NKAIN3: variants seen among roughly 807,000 people sequenced by gnomAD.
The protein encoded by NKAIN3 is sodium/potassium-transporting ATPase subunit beta-1-interacting protein 3.
A neutral mutation model predicts 30.2 loss-of-function variants in NKAIN3; 25 were observed. The ratio of observed to expected loss-of-function variants is 0.83; its 90% CI spans 0.60 to 1.16. The LOEUF is 1.16. Among genes scored for constraint, NKAIN3 ranks in the 50% most tolerant of loss-of-function variants. The pLI is 0.00. For missense variants in NKAIN3, 225 were observed against 254.1 expected (o/e 0.89, Z 0.78); for synonymous variants, 91 against 89.6 (o/e 1.02, Z -0.09).
At chr8:62,404,759 G>A (rs147965874) in intron 1 of NKAIN3, among the ~76,000 whole-genome samples, 172 of 152,220 alleles carry the variant, frequency 1.1e-3, no homozygotes, top group African/African-American at 4.0e-3. Flanking sequence ...TACTGTGCCT[G>A]AGCTCTTACC....
At chr8:62,399,282 G>A (rs777780632) in intron 1 of NKAIN3, among the ~76,000 whole-genome samples, 2 of 152,160 alleles carry the variant, frequency 1.3e-5, no homozygotes, top group Admixed American at 6.5e-5. Flanking sequence ...GAGGCGGGTA[G>A]ATCGCTTGAG....
At chr8:62,369,925 A>C (rs1053615866) in intron 1 of NKAIN3, among the ~76,000 whole-genome samples, 2 of 152,036 alleles carry the variant, frequency 1.3e-5, no homozygotes, top group East Asian at 1.9e-4. Flanking sequence ...GATAGAAAAA[A>C]AAAGTCTTAA....
chr8:62,867,054 T>TA (rs11444625), intron 4 of NKAIN3, among the ~76,000 whole-genome samples: 20,009 of 119,426 alleles, frequency 0.17, 1,981 homozygotes, highest in African/African-American at 0.29. Flanking sequence ...GACTCCGTCT[T>TA]AAAAAAAAAA....
At chr8:62,253,529 C>T (rs553429398) in intron 1 of NKAIN3, among the ~76,000 whole-genome samples, 1 of 152,278 alleles carries the variant, frequency 6.6e-6, no homozygotes, top group South Asian at 2.1e-4. Flanking sequence ...ATGATGCCAC[C>T]ACTCACTCCA....
chr8:62,489,996 G>A (rs1035985269), intron 1 of NKAIN3, among the ~76,000 whole-genome samples: 3 of 152,118 alleles, frequency 2.0e-5, no homozygotes, highest in Non-Finnish European at 2.9e-5. Flanking sequence ...TTTTCTTAGG[G>A]TTTTAACTAT....
At chr8:62,589,350 T>G (rs1242227358) in intron 2 of NKAIN3, among the ~76,000 whole-genome samples, 3 of 151,760 alleles carry the variant, frequency 2.0e-5, no homozygotes, top group African/African-American at 7.2e-5. Flanking sequence ...GACAGTTTTA[T>G]ACTGTAACTT....
chr8:62,769,141 G>A (rs1392301458), intron 4 of NKAIN3, among the ~76,000 whole-genome samples: 1 of 152,058 alleles, frequency 6.6e-6, no homozygotes, highest in Non-Finnish European at 1.5e-5. Context: ...CCACATTCTA[G>A]TCTAGTGATC....
chr8:62,332,554 G>C (rs1174951927), intron 1 of NKAIN3, among the ~76,000 whole-genome samples: 1 of 152,054 alleles, frequency 6.6e-6, no homozygotes, highest in Non-Finnish European at 1.5e-5. Context: ...GAGTGACATG[G>C]ATAATAATGT....
chr8:62,814,017 T>C (rs140443158), intron 4 of NKAIN3, among the ~76,000 whole-genome samples: 3 of 152,242 alleles, frequency 2.0e-5, no homozygotes, highest in East Asian at 1.9e-4. Context: ...GTTAGTCTAA[T>C]AAGGATTCCC....
chr8:62,767,817 T>C (rs1294202951), intron 4 of NKAIN3, among the ~76,000 whole-genome samples: 1 of 151,944 alleles, frequency 6.6e-6, no homozygotes, highest in Non-Finnish European at 1.5e-5. Flanking sequence ...GAGAGTGCTT[T>C]AAGTATAGAA....
Position 62,969,903 on chromosome 8 carries a change from G to A in NKAIN3, c.*4496G>A, listed in dbSNP as rs1432831387. Among the ~76,000 whole-genome samples, 1 of 152,046 alleles carries A rather than the reference G, an allele frequency of 6.6e-6. No individual in the cohort carries two copies. The highest frequency in any genetic ancestry group is 1.5e-5 in the Non-Finnish European group (1 of 68,006). ...AACTGCACAGTGAACAATTTAGAAA[G>A]GGAACAGATGACCAGACACAGTGGC... On this transcript the variant is annotated 3_prime_UTR_variant, in exon 7 of 7. Coordinates refer to ENST00000623646, the MANE Select transcript of NKAIN3 (RefSeq NM_001304533.3).
intron 2 of NKAIN3, among the ~76,000 whole-genome samples, chr8:62,585,234 T>C (rs1039554534): frequency 6.6e-6 from 1 of 152,128 alleles, no homozygotes; most frequent in Non-Finnish European, 1.5e-5. Flanking sequence ...TGTTGCGAGC[T>C]CCTGCCACTA....
At chr8:62,528,291 ATATATATATTATAT>A (rs1808371081) in intron 1 of NKAIN3, among the ~76,000 whole-genome samples, 1 of 121,876 alleles carries the variant, frequency 8.2e-6, no homozygotes, top group Admixed American at 8.4e-5. Flanking sequence ...ATTGTGATAT[ATATATATATTATAT>A]TATATATATA....
intron 4 of NKAIN3, among the ~76,000 whole-genome samples, chr8:62,806,908 G>A (rs1386060497): frequency 6.6e-6 from 1 of 151,964 alleles, no homozygotes; most frequent in Non-Finnish European, 1.5e-5. Flanking sequence ...GACCAAGCAG[G>A]GGACTAATTC....
At chr8:62,412,524 A>G (rs1804276045) in intron 1 of NKAIN3, among the ~76,000 whole-genome samples, 1 of 152,166 alleles carries the variant, frequency 6.6e-6, no homozygotes, top group Non-Finnish European at 1.5e-5. Flanking sequence ...AGGATGGGAG[A>G]AAATATTCCC....
intron 1 of NKAIN3, among the ~76,000 whole-genome samples, chr8:62,295,316 G>A (rs1202320173): frequency 6.6e-6 from 1 of 152,100 alleles, no homozygotes; most frequent in Non-Finnish European, 1.5e-5. Flanking sequence ...TCTAATTTTT[G>A]TAAGGTTTCA....
intron 4 of NKAIN3, among the ~76,000 whole-genome samples, chr8:62,801,212 C>T (rs1399362956): frequency 6.6e-6 from 1 of 152,202 alleles, no homozygotes; most frequent in Non-Finnish European, 1.5e-5. Context: ...AAAAAGACAG[C>T]AGTAACCTCT....
intron 1 of NKAIN3, among the ~76,000 whole-genome samples, chr8:62,570,593 C>G (rs1018826753): frequency 6.6e-6 from 1 of 152,102 alleles, no homozygotes; most frequent in Non-Finnish European, 1.5e-5. Context: ...GGCTTATTCA[C>G]TATTACGAGA....
intron 4 of NKAIN3, among the ~76,000 whole-genome samples, chr8:62,899,473 G>A (rs993355838): frequency 5.3e-5 from 8 of 152,118 alleles, no homozygotes; most frequent in African/African-American, 1.7e-4. Flanking sequence ...ATTATTCTAA[G>A]TGAAATAAGC....
Sources: allele counts gnomAD v4.1 joint callset (sites outside exome capture counted in the v4.1 genomes callset), GRCh38; gene constraint gnomAD v4.1.1; transcripts MANE v1.5; gene names NCBI Gene and HGNC (gene_info 2026-07-23, HGNC 2026-07-21).